TKT: variants seen among roughly 807,000 people sequenced by gnomAD.
The protein encoded by TKT is epididymis luminal protein 107.
TKT carries 47 observed loss-of-function variants against 63.9 expected under a neutral mutation model. The observed-to-expected ratio is 0.74, with a 90% CI of 0.58 to 0.94. The LOEUF (loss-of-function observed/expected upper bound fraction) is 0.94. Ranked by LOEUF, TKT falls within the 40% of genes least tolerant of loss-of-function variation. The pLI, the probability that TKT is intolerant of heterozygous loss-of-function variation, is 0.00. For missense variants in TKT, 721 were observed against 846.2 expected, an observed-to-expected ratio of 0.85 and a Z score of 1.84; for synonymous variants, 338 against 334.1, an observed-to-expected ratio of 1.01 and a Z score of -0.13.
intron 13 of TKT, 127 bp from the exon 14 acceptor site, chr3:53,226,058 C>A: frequency 1.2e-6 from 1 of 803,874 alleles, no homozygotes; most frequent in Non-Finnish European, 1.9e-6. Context: ...CACCTGTAGC[C>A]ATGAGCCCAT....
chr3:53,228,501 C>T, intron 10 of TKT, 142 bp from the exon 11 acceptor site: 1 of 951,932 alleles, frequency 1.1e-6, no homozygotes, highest in Non-Finnish European at 1.6e-6. Flanking sequence ...AAGGGCCTTG[C>T]TTGCCCTCTG....
At chr3:53,233,589 T>C (rs1253136598) in intron 5 of TKT, 3 of 233,708 alleles carry the variant, frequency 1.3e-5, no homozygotes, top group African/African-American at 2.3e-5. Flanking sequence ...TACTGAAAGC[T>C]GTTCTGGGGT....
Position 53,226,871 on chromosome 3 carries a change from G to A in TKT, c.1581C>T (p.Ile527=), listed in dbSNP as rs1553675665. The A allele has an allele frequency of 2.5e-6, 4 of 1,608,122 alleles. No individual in the cohort carries two copies. Among genetic ancestry groups the A allele is most frequent in the Non-Finnish European group, 2.5e-6 (3 of 1,176,646 alleles). The part of the protein sequence containing the change: ...AAAELLKKEK[I]NIRVLDPFTI... Reference sequence around the variant, plus strand: ...TGAAGGGGTCCAGCACGCGGATGTTGATCTTTTCTGTGAGGGAGAGCACAC... The same window carrying A: ...TGAAGGGGTCCAGCACGCGGATGTTAATCTTTTCTGTGAGGGAGAGCACAC... Residue 527 remains isoleucine (I), a synonymous_variant, in exon 13 of 14, where the codon ATC becomes ATT. Transcript: ENST00000462138.
At chr3:53,233,721 T>C (rs1337345722) in intron 5 of TKT, 1 of 153,394 alleles carries the variant, frequency 6.5e-6, no homozygotes, top group Non-Finnish European at 1.5e-5. Context: ...GGAAATGTTT[T>C]TGAAATGAAC....
chr3:53,226,759 C>A lies in TKT; in HGVS notation c.1693G>T (p.Glu565Ter), dbSNP rs782222985. The A allele has an allele frequency of 6.2e-7, 1 of 1,614,196 alleles. No individual in the cohort carries two copies. The highest frequency in any genetic ancestry group is 1.7e-5 in the Admixed American group (1 of 60,008). ...RILTVEDHYYEGGIGEAVSSA... is the reference protein window; with the variant it reads ...RILTVEDHYY ...TGCCTGCCCCAGGCCTCCTTACCTT[C>A]ATAATAATGGTCCTCCACGGTGAGG... The change falls in exon 13 of 14, where the codon GAA becomes TAA. Residue 565 changes from glutamate to a stop codon, truncating the protein, a stop_gained. Coordinates refer to ENST00000462138, the MANE Select transcript of TKT (RefSeq NM_001064.4). LOFTEE classifies it low-confidence loss of function (END_TRUNC).
chr3:53,245,371 T>A (rs1461990134), intron 1 of TKT, among the ~76,000 whole-genome samples: 1 of 151,088 alleles, frequency 6.6e-6, no homozygotes, highest in Non-Finnish European at 1.5e-5. Flanking sequence ...CTTCCAGATG[T>A]CCCCTGGCCA....
At chr3:53,228,693 G>A (rs1553676156) in intron 10 of TKT, 1 of 512,504 alleles carries the variant, frequency 2.0e-6, no homozygotes, top group Non-Finnish European at 3.5e-6. Flanking sequence ...TGGACCACAG[G>A]GCTCAGCTCA....
intron 1 of TKT, chr3:53,243,553 A>T (rs961575855): frequency 3.7e-5 from 17 of 456,616 alleles, no homozygotes; most frequent in Admixed American, 7.0e-5. Context: ...TAGTACCAAC[A>T]TTCTCGCACA....
At chr3:53,248,304 C>T (rs1326887373) in intron 1 of TKT, among the ~76,000 whole-genome samples, 2 of 152,142 alleles carry the variant, frequency 1.3e-5, no homozygotes, top group Non-Finnish European at 2.9e-5. Context: ...AATGGATAAA[C>T]AAAATGCACT....
chr3:53,239,307 A>T (rs1705170859), intron 4 of TKT, among the ~76,000 whole-genome samples: 2 of 152,150 alleles, frequency 1.3e-5, no homozygotes, highest in African/African-American at 4.8e-5. Flanking sequence ...TTTAAAAAAA[A>T]GAATAATTTT....
rs1802929 is a variant in TKT at position 53,225,761 on chromosome 3, C to A, written c.1867G>T (p.Ala623Ser). Residue 623 changes from alanine to serine, a missense_variant, in exon 14 of 14, where the codon GCC (alanine) becomes TCC (serine). Physicochemically the swap from Ala to Ser is moderately conservative, Grantham distance 99 (BLOSUM62 1). Transcript: ENST00000462138. ...CCCCACACTTCATACCCGCCCTAGG[C>A]CTTGGTGATGAGGCCCCTCACAGCT... ...AQAVRGLITKA is the reference protein window; with the variant it reads ...AQAVRGLITKS 2 of 1,611,782 alleles carry A rather than the reference C, an allele frequency of 1.2e-6. No homozygotes were observed. The highest frequency in any genetic ancestry group is 1.7e-6 in the Non-Finnish European group (2 of 1,178,558).
rs1553675391 is a variant in TKT, at chr3:53,225,944, G to A, written c.1697-13C>T. On this transcript the variant is annotated splice_polypyrimidine_tract_variant and intron_variant, in intron 13 of 13. Transcript: ENST00000462138. The stretch of plus-strand genomic sequence containing the variant: ...TCACCAATGCCACCTAGAAATGAAA[G>A]GAGGGGAGTCAGAAGACGAGGCCTC... 3 of 1,600,662 alleles carry A rather than the reference G, an allele frequency of 1.9e-6. No homozygotes were observed. In the East Asian group the frequency reaches 6.7e-5, roughly 36 times the overall value.
At chr3:53,230,430 C>T (rs1553676731) in intron 8 of TKT, 27 bp downstream of exon 8, 1 of 1,613,820 alleles carries the variant, frequency 6.2e-7, no homozygotes, top group African/African-American at 1.3e-5. Context: ...CTTGGGTGGA[C>T]CTGTCCCTGC....
chr3:53,228,851 G>A (rs13075304), intron 10 of TKT, 156 bp downstream of exon 10: 1,093,375 of 1,102,496 alleles, frequency 0.99, 542,631 homozygotes, highest in East Asian at 1. Context: ...TGTGTATTTC[G>A]TTTTTTCTTG....
In TKT at chr3:53,225,585, GC is replaced by G; in HGVS notation, c.*170del. On this transcript the variant is annotated 3_prime_UTR_variant, in exon 14 of 14. Coordinates refer to ENST00000462138, the MANE Select transcript of TKT (RefSeq NM_001064.4). ...CCAGCCTCCCTAGCGCACCCTCCAC[GC>G]TTCTTCCCCAGAACCTGCACTGGCT... 1 of 794,566 alleles carries G rather than the reference GC, an allele frequency of 1.3e-6. No individual in the cohort carries two copies. Among genetic ancestry groups the G allele is most frequent in the Non-Finnish European group, 1.9e-6 (1 of 534,360 alleles). The allele number at this position is 794,566 out of a possible 1,614,324, so 49.2% of individuals were successfully genotyped here.
In TKT at chr3:53,251,453, T is replaced by G. The variant is rs564305501; in HGVS notation, c.107+4383A>C. 3.9e-5 allele frequency among the ~76,000 whole-genome samples: 6 copies of G among 152,184 alleles called. No homozygotes were observed. The South Asian group carries it at 6.2e-4, about 16-fold the overall frequency. On this transcript the variant is annotated intron_variant, in intron 1 of 13. Transcript: ENST00000462138. ...TGGAAGGAGATGACCCCAGAGAAGC[T>G]CTAGCCACTGTGGGCGCTGCCTCAA...
chr3:53,228,909 AC>A, intron 10 of TKT, 97 bp downstream of exon 10: 1 of 1,520,806 alleles, frequency 6.6e-7, no homozygotes. Flanking sequence ...GTCAGGAAAC[AC>A]CCCCTGGGGC....
At chr3:53,250,075 C>G (rs1553681445) in intron 1 of TKT, among the ~76,000 whole-genome samples, 1 of 152,214 alleles carries the variant, frequency 6.6e-6, no homozygotes, top group Middle Eastern at 3.2e-3. Context: ...AAAACACCGA[C>G]CACCAGCCCT....
At chr3:53,235,786 T>A (rs56998997) in intron 4 of TKT, among the ~76,000 whole-genome samples, 26,648 of 152,146 alleles carry the variant, frequency 0.18, 2,448 homozygotes, top group South Asian at 0.29. Flanking sequence ...CAAGACTAGC[T>A]CTTGACCCCA....
Sources: allele counts gnomAD v4.1 joint callset (sites outside exome capture counted in the v4.1 genomes callset), GRCh38; gene constraint gnomAD v4.1.1; transcripts MANE v1.5; gene names NCBI Gene and HGNC (gene_info 2026-07-23, HGNC 2026-07-21).